Variants in NTM observed in about 807,000 individuals in gnomAD.
The protein encoded by NTM is neurotrimin, also known as IgLON family member 2.
Under a neutral mutation model 42.1 loss-of-function variants are expected in NTM, and 13 were observed. The ratio of observed to expected loss-of-function variants is 0.31; its 90% confidence interval spans 0.20 to 0.49. The LOEUF (loss-of-function observed/expected upper bound fraction) is 0.49, where lower values mean the gene tolerates loss of function less well. Ranked by LOEUF, NTM falls within the 20% of genes least tolerant of loss-of-function variation. The pLI is 0.99. For missense variants in NTM, 373 were observed against 452.8 expected, an observed-to-expected ratio of 0.82 and a Z score of 1.60; for synonymous variants, 187 against 179.2, an observed-to-expected ratio of 1.04 and a Z score of -0.35.
At chr11:131,899,458 G>A (rs890160783) in intron 1 of NTM, among the ~76,000 whole-genome samples, 4 of 152,156 alleles carry the variant, frequency 2.6e-5, no homozygotes, top group Non-Finnish European at 5.9e-5. Flanking sequence ...GGCGAGATAA[G>A]CATAATTGAA....
At chr11:131,574,508 G>A (rs1426822236) in intron 1 of NTM, among the ~76,000 whole-genome samples, 1 of 152,100 alleles carries the variant, frequency 6.6e-6, no homozygotes, top group Non-Finnish European at 1.5e-5. Context: ...TATCCCCACT[G>A]GGCTACACTG....
intron 1 of NTM, among the ~76,000 whole-genome samples, chr11:131,419,609 G>A (rs1445212347): frequency 1.3e-5 from 2 of 152,168 alleles, no homozygotes; most frequent in African/African-American, 4.8e-5. Context: ...GGCTGGGCTG[G>A]GTAGGTGAGG....
intron 3 of NTM, among the ~76,000 whole-genome samples, chr11:132,168,610 T>C (rs2075646032): frequency 6.6e-6 from 1 of 152,220 alleles, no homozygotes; most frequent in Non-Finnish European, 1.5e-5. Flanking sequence ...GCAGTGTTTT[T>C]CTCCATCATT....
intron 1 of NTM, among the ~76,000 whole-genome samples, chr11:131,874,859 G>A (rs995937908): frequency 6.6e-5 from 10 of 152,164 alleles, no homozygotes; most frequent in Admixed American, 5.9e-4. Context: ...TCTGTACGAG[G>A]GATAGGTCTG....
At chr11:131,979,383 C>A (rs774935307) in intron 2 of NTM, among the ~76,000 whole-genome samples, 2 of 152,084 alleles carry the variant, frequency 1.3e-5, no homozygotes, top group African/African-American at 4.8e-5. Flanking sequence ...TAACAATTGG[C>A]GTAGTAATTT....
intron 1 of NTM, chr11:131,535,619 A>T (rs192467307): frequency 8.1e-4 from 123 of 152,336 alleles, no homozygotes; most frequent in African/African-American, 3.0e-3. Context: ...TAAGTCCTCA[A>T]AGGAAAGAAG....
Position 132,002,287 on chromosome 11 carries a change from G to T in NTM, c.167+90639G>T, listed in dbSNP as rs199937365. ...TGTGGCAGCTTTACTGTACAAAAGC[G>T]ATGAAATTTAATAATTATTTAGTTA... is the stretch of plus-strand genomic sequence containing the variant. On this transcript the variant is annotated intron_variant, in intron 2 of 8. Coordinates refer to ENST00000683400, the MANE Select transcript of NTM (RefSeq NM_001352005.2). The surrounding 1 kb of genome is among the most constrained non-coding windows in gnomAD (Gnocchi z 4.5). Among the ~76,000 whole-genome samples, 1 of 152,160 alleles carries T rather than the reference G, an allele frequency of 6.6e-6. No homozygotes were observed. The highest frequency in any genetic ancestry group is 1.9e-4 in the East Asian group (1 of 5,196).
At chr11:132,026,870 T>G (rs114017673) in intron 2 of NTM, among the ~76,000 whole-genome samples, 293 of 152,278 alleles carry the variant, frequency 1.9e-3, no homozygotes, top group African/African-American at 6.7e-3. Context: ...AATAGATGAC[T>G]TTAGGATGCA....
At chr11:132,166,154 G>C (rs1401958444) in intron 3 of NTM, among the ~76,000 whole-genome samples, 1 of 152,116 alleles carries the variant, frequency 6.6e-6, no homozygotes, top group African/African-American at 2.4e-5. Context: ...GAAGTGAACA[G>C]ACAGCAGCTC....
intron 1 of NTM, among the ~76,000 whole-genome samples, chr11:131,474,679 C>T (rs915667100): frequency 6.6e-6 from 1 of 152,160 alleles, no homozygotes; most frequent in East Asian, 1.9e-4. Context: ...TTCCCGTGCT[C>T]CATTCTCCAG....
chr11:131,493,305 G>A (rs1954989500), intron 1 of NTM, among the ~76,000 whole-genome samples: 1 of 151,926 alleles, frequency 6.6e-6, no homozygotes, highest in Non-Finnish European at 1.5e-5. Context: ...TTATTATAAT[G>A]TCCACCGTGT....
chr11:132,223,828 G>A (rs926224982), intron 4 of NTM, among the ~76,000 whole-genome samples: 7 of 152,176 alleles, frequency 4.6e-5, no homozygotes, highest in South Asian at 2.1e-4. Context: ...GGCCAATGGC[G>A]GGGGTAGCTT....
chr11:131,697,153 G>C (rs972254099), intron 1 of NTM, among the ~76,000 whole-genome samples: 1 of 152,170 alleles, frequency 6.6e-6, no homozygotes. Flanking sequence ...TCAAGATAAG[G>C]ACACAAGGTA....
chr11:131,752,769 C>T lies in NTM; in HGVS notation c.83-158795C>T, dbSNP rs948552864. ...GATTGATTAAAGACTTAAACGTTAG[C>T]CCTAAAACCACAAAAACCCTAGAAG... On this transcript the variant is annotated intron_variant, in intron 1 of 8. Coordinates refer to ENST00000683400, the MANE Select transcript of NTM (RefSeq NM_001352005.2). 2.8e-5 allele frequency among the ~76,000 whole-genome samples: 4 copies of T among 140,928 alleles called. No homozygotes were observed. In the East Asian group the frequency reaches 8.5e-4, roughly 30 times the overall value. 92.5% of individuals were successfully genotyped at this position (140,928 alleles called of 152,430 possible).
At chr11:131,978,075 G>A (rs2064680906) in intron 2 of NTM, among the ~76,000 whole-genome samples, 1 of 152,194 alleles carries the variant, frequency 6.6e-6, no homozygotes, top group Non-Finnish European at 1.5e-5. Flanking sequence ...GCCACATGAA[G>A]TCAGATGAGC....
Position 132,062,365 on chromosome 11 carries a change from T to A in NTM, c.168-83917T>A, listed in dbSNP as rs184494140. ...ACCCAGCTAGTTTCAGACAGCAAAG[T>A]GAAAACTCCTGAAGCTCATTCTACA... On this transcript the variant is annotated intron_variant, in intron 2 of 8. Transcript: ENST00000683400. 6.2e-3 allele frequency among the ~76,000 whole-genome samples: 950 copies of A among 152,254 alleles called. 7 individuals are homozygous for A. The highest frequency in any genetic ancestry group is 0.022 in the African/African-American group (903 of 41,542).
At chr11:131,533,063 G>GA (rs1240935884) in intron 1 of NTM, among the ~76,000 whole-genome samples, 4 of 152,126 alleles carry the variant, frequency 2.6e-5, no homozygotes, top group Non-Finnish European at 5.9e-5. Context: ...ATGTGAGACT[G>GA]AAAAAAATAT....
At chr11:131,869,276 TC>T (rs1298068180) in intron 1 of NTM, among the ~76,000 whole-genome samples, 1 of 152,332 alleles carries the variant, frequency 6.6e-6, no homozygotes, top group African/African-American at 2.4e-5. Flanking sequence ...TAGCTGCTTC[TC>T]CCCGCCTACG....
At chr11:131,727,322 G>T (rs1040232717) in intron 1 of NTM, among the ~76,000 whole-genome samples, 3 of 152,196 alleles carry the variant, frequency 2.0e-5, no homozygotes, top group African/African-American at 4.8e-5. Context: ...TATCTTAAAA[G>T]TGGGGGACAA....
Sources: gnomAD v4.1 joint callset for allele counts (sites outside exome capture counted in the v4.1 genomes callset) on GRCh38, gnomAD v4.1.1 for gene constraint, Gnocchi (gnomAD v3.1) non-coding constraint, MANE v1.5 for transcripts, NCBI Gene and HGNC (gene_info 2026-07-23, HGNC 2026-07-21) for gene names.